Variants in NOS1AP observed in about 807,000 individuals in gnomAD.
NOS1AP encodes the protein carboxyl-terminal PDZ ligand of neuronal nitric oxide synthase protein.
In NOS1AP, 21 loss-of-function variants were observed where a neutral mutation model predicts 56.2. The observed-to-expected ratio is 0.37, with a 90% CI of 0.26 to 0.54. The LOEUF is 0.54. Ranked by LOEUF, NOS1AP falls within the 20% of genes least tolerant of loss-of-function variation. The probability of loss-of-function intolerance (pLI) is 0.84; values close to 1 mark genes in which losing one functional copy is unlikely to be tolerated. For synonymous variants in NOS1AP, 270 were observed against 274.6 expected, an observed-to-expected ratio of 0.98 and a Z score of 0.17; for missense variants, 522 against 657.8, an observed-to-expected ratio of 0.79 and a Z score of 2.26.
At chr1:162,106,838 C>G (rs1647528364) in intron 1 of NOS1AP, among the ~76,000 whole-genome samples, 1 of 152,144 alleles carries the variant, frequency 6.6e-6, no homozygotes, top group Non-Finnish European at 1.5e-5. Flanking sequence ...GGGGAATGGG[C>G]AATTCCCAGT....
intron 9 of NOS1AP, among the ~76,000 whole-genome samples, chr1:162,366,161 C>T (rs1173115169): frequency 6.6e-6 from 1 of 152,182 alleles, no homozygotes; most frequent in Non-Finnish European, 1.5e-5. Context: ...CTGGGCTGGG[C>T]TGGGCAGCTG....
intron 2 of NOS1AP, among the ~76,000 whole-genome samples, chr1:162,220,443 G>A (rs774770691): frequency 5.3e-5 from 8 of 152,054 alleles, no homozygotes; most frequent in Non-Finnish European, 1.2e-4. Flanking sequence ...AGTGCGTATT[G>A]GACCCATGCC....
intron 2 of NOS1AP, among the ~76,000 whole-genome samples, chr1:162,250,063 C>G (rs914985340): frequency 6.6e-5 from 10 of 152,214 alleles, no homozygotes; most frequent in Non-Finnish European, 1.3e-4. Context: ...CTTGTTCTGA[C>G]TCTCAGAGCA....
chr1:162,080,920 T>C (rs1376140847), intron 1 of NOS1AP, among the ~76,000 whole-genome samples: 2 of 152,220 alleles, frequency 1.3e-5, no homozygotes, highest in Non-Finnish European at 2.9e-5. Context: ...TCATTATTTG[T>C]ATCTTATAGA....
intron 2 of NOS1AP, among the ~76,000 whole-genome samples, chr1:162,238,951 A>T (rs1323645470): frequency 6.6e-6 from 1 of 152,222 alleles, no homozygotes; most frequent in African/African-American, 2.4e-5. Context: ...TGTGTTATTT[A>T]TGTAAGGAAG....
intron 2 of NOS1AP, among the ~76,000 whole-genome samples, chr1:162,177,754 C>T (rs994612202): frequency 1.3e-5 from 2 of 152,002 alleles, no homozygotes; most frequent in African/African-American, 4.8e-5. Context: ...CCCATATATT[C>T]CTGCCCCTGC....
intron 6 of NOS1AP, among the ~76,000 whole-genome samples, chr1:162,350,238 A>G (rs1657447870): frequency 4.6e-5 from 7 of 152,042 alleles, no homozygotes; most frequent in Admixed American, 3.9e-4. Context: ...AAACATGTTT[A>G]CTCTGAGGAG....
At chr1:162,172,885 T>A (rs1355552233) in intron 2 of NOS1AP, among the ~76,000 whole-genome samples, 1 of 152,008 alleles carries the variant, frequency 6.6e-6, no homozygotes, top group African/African-American at 2.4e-5. Flanking sequence ...GCTAGTTGAG[T>A]GTTATTCTTA....
intron 4 of NOS1AP, among the ~76,000 whole-genome samples, chr1:162,318,079 G>A (rs1027163490): frequency 3.9e-5 from 6 of 152,234 alleles, no homozygotes; most frequent in African/African-American, 7.2e-5. Flanking sequence ...GACCCCAGGC[G>A]AGCTCCTCTT....
chr1:162,153,540 T>C (rs1174152546), intron 1 of NOS1AP, among the ~76,000 whole-genome samples: 1 of 152,234 alleles, frequency 6.6e-6, no homozygotes, highest in African/African-American at 2.4e-5. Flanking sequence ...TTTGTAGTAG[T>C]GTCATAGCAT....
rs558418399 is a variant in NOS1AP at position 162,089,227 on chromosome 1, A to G, written c.105+18945A>G. Among the ~76,000 whole-genome samples the G allele has an allele frequency of 5.9e-5, 9 of 152,294 alleles. No homozygotes were observed. The South Asian group carries it at 1.9e-3, about 32-fold the overall frequency. On this transcript the variant is annotated intron_variant, in intron 1 of 9. Transcript: ENST00000361897. ...AACATACTTGTGTGTTCATACTGAT[A>G]TTTCCAATATCTTAACTACTTCTGT...
chr1:162,326,440 G>A (rs1272911088), intron 4 of NOS1AP, among the ~76,000 whole-genome samples: 1 of 152,136 alleles, frequency 6.6e-6, no homozygotes, highest in Admixed American at 6.5e-5. Flanking sequence ...AGAACCAATA[G>A]GATATATGTG....
intron 2 of NOS1AP, among the ~76,000 whole-genome samples, chr1:162,181,647 G>A (rs190386153): frequency 2.6e-5 from 4 of 152,290 alleles, no homozygotes; most frequent in Admixed American, 2.0e-4. Context: ...TGAATTAGGG[G>A]GTGATGTTGA....
At chr1:162,177,930 A>G (rs967959166) in intron 2 of NOS1AP, among the ~76,000 whole-genome samples, 1 of 152,208 alleles carries the variant, frequency 6.6e-6, no homozygotes, top group African/African-American at 2.4e-5. Context: ...GTTTAATGAC[A>G]TGTATCTACC....
At chr1:162,289,779 G>A (rs749140176) in intron 3 of NOS1AP, among the ~76,000 whole-genome samples, 3 of 152,114 alleles carry the variant, frequency 2.0e-5, no homozygotes, top group African/African-American at 4.8e-5. Flanking sequence ...CCAGCCTGTT[G>A]ACTTTCGATT....
intron 2 of NOS1AP, among the ~76,000 whole-genome samples, chr1:162,222,240 C>G (rs1304093002): frequency 6.6e-6 from 1 of 152,214 alleles, no homozygotes; most frequent in Non-Finnish European, 1.5e-5. Flanking sequence ...GGTTAATTTT[C>G]AACTTAAGCC....
chr1:162,171,970 C>T (rs1323373133), intron 2 of NOS1AP, among the ~76,000 whole-genome samples: 5 of 152,162 alleles, frequency 3.3e-5, no homozygotes, highest in Non-Finnish European at 7.3e-5. Context: ...GGTGTCATTC[C>T]CAAGAAAGCC....
At chr1:162,298,148 G>A (rs1421204200) in intron 3 of NOS1AP, among the ~76,000 whole-genome samples, 2 of 152,226 alleles carry the variant, frequency 1.3e-5, no homozygotes, top group Admixed American at 6.5e-5. Context: ...TGGCTGAGCC[G>A]GAGCCCAGGC....
At chr1:162,100,655 A>G (rs185554099) in intron 1 of NOS1AP, among the ~76,000 whole-genome samples, 5,980 of 151,760 alleles carry the variant, frequency 0.039, 168 homozygotes, top group Admixed American at 0.059. Flanking sequence ...CCATTTGTCA[A>G]TTTCGGCTTT....
Sources: allele counts gnomAD v4.1 joint callset (sites outside exome capture counted in the v4.1 genomes callset), GRCh38; gene constraint gnomAD v4.1.1; transcripts MANE v1.5; gene names NCBI Gene and HGNC (gene_info 2026-07-23, HGNC 2026-07-21).